UGT8: variants seen among roughly 807,000 people sequenced by gnomAD.
The protein encoded by UGT8 is 2-hydroxyacylsphingosine 1-beta-galactosyltransferase.
A neutral mutation model predicts 40.5 loss-of-function variants in UGT8; 12 were observed. The observed-to-expected ratio is 0.30, with a 90% CI of 0.19 to 0.48. The LOEUF (loss-of-function observed/expected upper bound fraction) is 0.48, where lower values mean the gene tolerates loss of function less well. Ranked by LOEUF, UGT8 falls within the 20% of genes least tolerant of loss-of-function variation. The pLI is 0.99. For synonymous variants in UGT8, 224 were observed against 240.4 expected (o/e 0.93, Z 0.63); for missense variants, 513 against 648.7 (o/e 0.79, Z 2.27).
At chr4:114,629,928 TG>T (rs1233252761) in intron 2 of UGT8, among the ~76,000 whole-genome samples, 2 of 152,220 alleles carry the variant, frequency 1.3e-5, no homozygotes, top group Non-Finnish European at 2.9e-5. Flanking sequence ...AGTCAAATAC[TG>T]GCAATATTTT....
intron 2 of UGT8, among the ~76,000 whole-genome samples, chr4:114,647,190 G>A (rs1434140222): frequency 6.6e-6 from 1 of 152,082 alleles, no homozygotes; most frequent in East Asian, 1.9e-4. Flanking sequence ...TGCCTGAGAT[G>A]TTATAAAAGA....
Position 114,623,433 on chromosome 4 carries a change from A to C in UGT8, c.553A>C (p.Thr185Pro). The C allele has an allele frequency of 6.2e-7, 1 of 1,614,176 alleles. No homozygotes were observed. The highest frequency in any genetic ancestry group is 8.5e-7 in the Non-Finnish European group (1 of 1,180,018). ...AYVPEFNSLLTDRMNLLQRMK... is the reference protein window; with the variant it reads ...AYVPEFNSLLPDRMNLLQRMK... The stretch of plus-strand genomic sequence containing the variant: ...CGTCCCAGAGTTTAACTCACTCCTC[A>C]CAGACCGCATGAACTTGCTGCAAAG... Residue 185 changes from threonine to proline, a missense_variant, in exon 2 of 6, where the codon ACA becomes CCA. Physicochemically the swap from Thr to Pro is conservative, Grantham distance 38 (BLOSUM62 -1). This residue lies in a region of UGT8 where 335 missense variants were observed against 444.8 expected (regional missense o/e 0.75). Transcript: ENST00000310836.
At chr4:114,633,941 A>T in intron 2 of UGT8, among the ~76,000 whole-genome samples, 1 of 143,810 alleles carries the variant, frequency 7.0e-6, no homozygotes, top group Non-Finnish European at 1.5e-5. Context: ...GAGACTGTCT[A>T]AAAAAAAAAA....
chr4:114,656,677 A>G, intron 2 of UGT8: 2 of 409,428 alleles, frequency 4.9e-6, no homozygotes, highest in Non-Finnish European at 1.0e-5. Flanking sequence ...GGGGAGAACA[A>G]TAGAGGAGAT....
At chr4:114,617,727 C>T (rs896486540) in intron 1 of UGT8, among the ~76,000 whole-genome samples, 1 of 152,090 alleles carries the variant, frequency 6.6e-6, no homozygotes, top group African/African-American at 2.4e-5. Flanking sequence ...TTTTGGGAAG[C>T]GTTAGTGCCC....
At chr4:114,651,644 G>A (rs974438612) in intron 2 of UGT8, among the ~76,000 whole-genome samples, 5 of 152,028 alleles carry the variant, frequency 3.3e-5, no homozygotes, top group African/African-American at 1.2e-4. Flanking sequence ...GTCATTCTCT[G>A]ACACCCAGGA....
At chr4:114,633,081 A>AC (rs1560684416) in intron 2 of UGT8, among the ~76,000 whole-genome samples, 6 of 152,300 alleles carry the variant, frequency 3.9e-5, no homozygotes, top group South Asian at 2.1e-4. Flanking sequence ...CATGTATAAC[A>AC]TTGAAAAGGT....
chr4:114,642,616 C>T (rs1733298313), intron 2 of UGT8, among the ~76,000 whole-genome samples: 1 of 152,094 alleles, frequency 6.6e-6, no homozygotes, highest in Non-Finnish European at 1.5e-5. Flanking sequence ...AATAAACTAG[C>T]CCTCATCACT....
Position 114,676,071 on chromosome 4 carries a change from G to T in UGT8, c.1409G>T (p.Cys470Phe). 6.2e-7 allele frequency: 1 copy of T among 1,614,190 alleles called. No homozygotes were observed. The highest frequency in any genetic ancestry group is 8.5e-7 in the Non-Finnish European group (1 of 1,180,034). The change falls in exon 6 of 6, where the codon TGT (cysteine) becomes TTT (phenylalanine). Residue 470 changes from cysteine (C) to phenylalanine (F), a missense_variant. Physicochemically the swap from Cys to Phe is radical, Grantham distance 205. This residue lies in a region of UGT8 where 175 missense variants were observed against 186.7 expected (regional missense o/e 0.94). Transcript: ENST00000310836. The part of the protein sequence containing the change: ...LRAAVHQISF[C>F]QYFLLDIAFV... Reference sequence around the variant, plus strand: ...GCCGCTGTCCATCAGATCTCCTTTTGTCAGTATTTTTTACTGGATATTGCC... The same window carrying T: ...GCCGCTGTCCATCAGATCTCCTTTTTTCAGTATTTTTTACTGGATATTGCC...
rs1326412021 is a variant in UGT8 at position 114,623,580 on chromosome 4, G to C, written c.700G>C (p.Val234Leu). Reference protein sequence around the residue: ...LLPEKSMYDLVHGSSLWMLCT... With the variant: ...LLPEKSMYDLLHGSSLWMLCT... ...GCCAGAGAAGTCCATGTATGATTTG[G>C]TTCATGGGTCCAGCCTGTGGATGCT... Residue 234 changes from valine (V) to leucine (L), a missense_variant, in exon 2 of 6, where the codon GTT becomes CTT. Val to Leu is a conservative substitution (Grantham distance 32). Coordinates refer to ENST00000310836, the MANE Select transcript of UGT8 (RefSeq NM_001128174.3). The C allele has an allele frequency of 6.2e-7, 1 of 1,613,958 alleles. No homozygotes were observed. The highest frequency in any genetic ancestry group is 8.5e-7 in the Non-Finnish European group (1 of 1,180,018).
At chr4:114,674,374 A>G (rs1487363959) in intron 5 of UGT8, among the ~76,000 whole-genome samples, 2 of 151,970 alleles carry the variant, frequency 1.3e-5, no homozygotes, top group African/African-American at 2.4e-5. Flanking sequence ...TTTAATCCAC[A>G]CTTTTACCAA....
intron 1 of UGT8, among the ~76,000 whole-genome samples, chr4:114,609,581 C>G (rs1439705975): frequency 6.6e-6 from 1 of 151,952 alleles, no homozygotes; most frequent in Non-Finnish European, 1.5e-5. Context: ...GTAGGGAATT[C>G]AGAGGAGGGA....
intron 5 of UGT8, among the ~76,000 whole-genome samples, chr4:114,671,286 C>A (rs1043662637): frequency 6.6e-6 from 1 of 152,126 alleles, no homozygotes; most frequent in Non-Finnish European, 1.5e-5. Flanking sequence ...TTACATTATT[C>A]ACAGAATTAG....
chr4:114,675,176 T>C (rs1308758339), intron 5 of UGT8, among the ~76,000 whole-genome samples: 4 of 152,228 alleles, frequency 2.6e-5, no homozygotes, highest in Non-Finnish European at 5.9e-5. Context: ...TTAAATATTA[T>C]TGCTTAAAAA....
At chr4:114,670,879 C>T (rs1475951583) in intron 5 of UGT8, among the ~76,000 whole-genome samples, 1 of 152,202 alleles carries the variant, frequency 6.6e-6, no homozygotes, top group East Asian at 1.9e-4. Context: ...CAAATTGTCT[C>T]TGTTTGCAGA....
chr4:114,668,425 C>G (rs928229726), intron 5 of UGT8, 121 bp downstream of exon 5: 2 of 854,738 alleles, frequency 2.3e-6, no homozygotes, highest in South Asian at 1.8e-5. Context: ...CTTTAGATTC[C>G]TGTGATAATG....
At chr4:114,663,138 A>G (rs937191579) in intron 2 of UGT8, among the ~76,000 whole-genome samples, 1 of 151,990 alleles carries the variant, frequency 6.6e-6, no homozygotes, top group Non-Finnish European at 1.5e-5. Flanking sequence ...GATACTTCTT[A>G]TTGTGCAGTA....
chr4:114,636,152 A>G (rs1423473720), intron 2 of UGT8, among the ~76,000 whole-genome samples: 2 of 152,216 alleles, frequency 1.3e-5, no homozygotes, highest in Non-Finnish European at 2.9e-5. Context: ...CATCTAGTCC[A>G]CATAACTTTT....
rs1400866779 is a variant in UGT8 at position 114,599,608 on chromosome 4, G to A, written c.-3+634G>A. Among the ~76,000 whole-genome samples, 5 of 152,206 alleles carry A rather than the reference G, an allele frequency of 3.3e-5. No homozygotes were observed. In the East Asian group the frequency reaches 7.7e-4, roughly 23 times the overall value. On this transcript the variant is annotated intron_variant, in intron 1 of 5. Coordinates refer to ENST00000310836, the MANE Select transcript of UGT8 (RefSeq NM_001128174.3). Reference sequence around the variant, plus strand: ...AATGGACAGTGTACAGTGGTGGCAGGGTTTCACGGGTCCCCGCGCCGATTT... The same window carrying A: ...AATGGACAGTGTACAGTGGTGGCAGAGTTTCACGGGTCCCCGCGCCGATTT...
Sources: allele counts gnomAD v4.1 joint callset (sites outside exome capture counted in the v4.1 genomes callset), GRCh38; gene constraint gnomAD v4.1.1; regional missense constraint gnomAD v4.1.1; transcripts MANE v1.5; gene names NCBI Gene and HGNC (gene_info 2026-07-23, HGNC 2026-07-21).